Variants in FBXL17 observed in about 807,000 individuals in gnomAD.
FBXL17 encodes the protein F-box/LRR-repeat protein 17.
Under a neutral mutation model 66.2 loss-of-function variants are expected in FBXL17, and 22 were observed. The ratio of observed to expected loss-of-function variants is 0.33; its 90% CI spans 0.24 to 0.47. The LOEUF is 0.47. Ranked by LOEUF, FBXL17 falls within the 20% of genes least tolerant of loss-of-function variation. The pLI, the probability that FBXL17 is intolerant of heterozygous loss-of-function variation, is 1.00. For synonymous variants in FBXL17, 474 were observed against 400.5 expected (o/e 1.18, Z -2.19); for missense variants, 878 against 948.2 (o/e 0.93, Z 0.97).
At chr5:107,949,982 A>G (rs547555974) in intron 7 of FBXL17, among the ~76,000 whole-genome samples, 5 of 152,322 alleles carry the variant, frequency 3.3e-5, no homozygotes, top group African/African-American at 1.2e-4. Flanking sequence ...TCCATCTCAC[A>G]TAACTTTCTG....
At chr5:108,188,224 C>T (rs1308379816) in intron 5 of FBXL17, among the ~76,000 whole-genome samples, 1 of 152,154 alleles carries the variant, frequency 6.6e-6, no homozygotes, top group Non-Finnish European at 1.5e-5. Context: ...CATAGAGTCA[C>T]TACTCAATGC....
intron 4 of FBXL17, among the ~76,000 whole-genome samples, chr5:108,304,233 A>G (rs1488547710): frequency 6.6e-6 from 1 of 152,024 alleles, no homozygotes; most frequent in African/African-American, 2.4e-5. Flanking sequence ...AATTCTTTAA[A>G]TCTGCTTTTC....
chr5:107,910,448 C>G (rs1451085689), intron 7 of FBXL17, among the ~76,000 whole-genome samples: 1 of 152,002 alleles, frequency 6.6e-6, no homozygotes, highest in Non-Finnish European at 1.5e-5. Flanking sequence ...CTGAAACTGA[C>G]AGCAAGCATC....
chr5:108,316,662 A>C (rs767263418), intron 4 of FBXL17, among the ~76,000 whole-genome samples: 1 of 151,406 alleles, frequency 6.6e-6, no homozygotes. Flanking sequence ...AACTAGATTC[A>C]ATATAGTTTT....
At chr5:108,014,380 CA>C (rs1754300147) in intron 7 of FBXL17, among the ~76,000 whole-genome samples, 1 of 152,018 alleles carries the variant, frequency 6.6e-6, no homozygotes, top group Non-Finnish European at 1.5e-5. Context: ...CACGCAAAAA[CA>C]GGTTCATTTG....
intron 6 of FBXL17, among the ~76,000 whole-genome samples, chr5:108,083,710 C>T (rs948295066): frequency 4.6e-5 from 7 of 151,912 alleles, no homozygotes; most frequent in African/African-American, 1.5e-4. Flanking sequence ...GCCTGGCAGT[C>T]TCAGAGTTTA....
intron 7 of FBXL17, among the ~76,000 whole-genome samples, chr5:107,940,049 C>T (rs1751041061): frequency 6.6e-6 from 1 of 152,136 alleles, no homozygotes; most frequent in Non-Finnish European, 1.5e-5. Context: ...CATCTCATTT[C>T]AGTCTCACAA....
chr5:108,272,432 T>C (rs1389805010), intron 4 of FBXL17, among the ~76,000 whole-genome samples: 1 of 151,906 alleles, frequency 6.6e-6, no homozygotes, highest in Non-Finnish European at 1.5e-5. Context: ...CGGCTCACTG[T>C]AGCCACCACC....
At chr5:107,955,738 C>CA (rs1199847799) in intron 7 of FBXL17, among the ~76,000 whole-genome samples, 1 of 152,132 alleles carries the variant, frequency 6.6e-6, no homozygotes, top group Non-Finnish European at 1.5e-5. Flanking sequence ...TGCTCAGAGA[C>CA]AGAGATTCTC....
chr5:108,153,920 T>A (rs1268806539), intron 6 of FBXL17, among the ~76,000 whole-genome samples: 2 of 152,158 alleles, frequency 1.3e-5, no homozygotes, highest in East Asian at 3.9e-4. Flanking sequence ...CAGGGCCCAA[T>A]TAACCTGTAC....
At chr5:108,209,203 G>T (rs952581632) in intron 5 of FBXL17, among the ~76,000 whole-genome samples, 1 of 152,184 alleles carries the variant, frequency 6.6e-6, no homozygotes, top group African/African-American at 2.4e-5. Flanking sequence ...AGCTTAAGGA[G>T]ATTTTGGGCT....
At chr5:108,012,975 T>C (rs1176741122) in intron 7 of FBXL17, among the ~76,000 whole-genome samples, 8 of 138,588 alleles carry the variant, frequency 5.8e-5, no homozygotes, top group East Asian at 2.1e-4. Context: ...GATCGCACCA[T>C]TGCATTCCAG....
intron 7 of FBXL17, among the ~76,000 whole-genome samples, chr5:107,919,781 T>C (rs764618694): frequency 7.9e-5 from 12 of 152,198 alleles, no homozygotes; most frequent in Non-Finnish European, 1.8e-4. Context: ...CTTGCACCCA[T>C]TCTCCATTAT....
chr5:108,209,322 C>T (rs186370539), intron 5 of FBXL17, among the ~76,000 whole-genome samples: 4 of 152,242 alleles, frequency 2.6e-5, no homozygotes, highest in Admixed American at 1.3e-4. Context: ...GCCTGATTGT[C>T]CTGGCCAGAA....
intron 7 of FBXL17, among the ~76,000 whole-genome samples, chr5:108,009,534 C>T (rs1473359466): frequency 1.3e-5 from 2 of 151,190 alleles, no homozygotes; most frequent in African/African-American, 2.4e-5. Context: ...TCAGCCATGT[C>T]GACTCAACAC....
intron 7 of FBXL17, among the ~76,000 whole-genome samples, chr5:107,971,485 A>AT (rs1381796086): frequency 6.6e-6 from 1 of 152,228 alleles, no homozygotes; most frequent in Middle Eastern, 3.4e-3. Context: ...AAACTATGCT[A>AT]TTTTTTATGA....
At chr5:108,197,747 T>G (rs546941068) in intron 5 of FBXL17, among the ~76,000 whole-genome samples, 1 of 152,192 alleles carries the variant, frequency 6.6e-6, no homozygotes, top group African/African-American at 2.4e-5. Flanking sequence ...TTATGTCATA[T>G]ATTTTTATTT....
In FBXL17 at chr5:108,237,488, C is replaced by T. The variant is rs534465184; in HGVS notation, c.1507-13260G>A. On this transcript the variant is annotated intron_variant, in intron 4 of 8. Coordinates refer to ENST00000542267, the MANE Select transcript of FBXL17 (RefSeq NM_001163315.3). ...GAACAAGATTATGGGAGACCGAAAG[C>T]CAGCAGAATGGTTGTGACTTTATAC... Among the ~76,000 whole-genome samples, 23 of 152,288 alleles carry T rather than the reference C, an allele frequency of 1.5e-4. 1 individual carries two copies. The South Asian group carries it at 4.4e-3, about 29-fold the overall frequency.
chr5:108,204,091 C>T (rs1472462266), intron 5 of FBXL17, among the ~76,000 whole-genome samples: 1 of 152,064 alleles, frequency 6.6e-6, no homozygotes, highest in Non-Finnish European at 1.5e-5. Flanking sequence ...AACCCATACG[C>T]AACACATCCC....
Sources: gnomAD v4.1 joint callset for allele counts (sites outside exome capture counted in the v4.1 genomes callset) on GRCh38, gnomAD v4.1.1 for gene constraint, MANE v1.5 for transcripts, NCBI Gene and HGNC (gene_info 2026-07-23, HGNC 2026-07-21) for gene names.